The following TMEM207 variants were observed in gnomAD, a reference collection of about 807,000 sequenced individuals.
TMEM207 encodes the protein SRSR846.
A neutral mutation model predicts 17.4 loss-of-function variants in TMEM207; 15 were observed. That is an observed-to-expected ratio of 0.86 (90% CI 0.58 to 1.33). The LOEUF is 1.33. TMEM207 is among the 40% of genes most tolerant of loss of function. The pLI, the probability that TMEM207 is intolerant of heterozygous loss-of-function variation, is 0.00. For synonymous variants in TMEM207, 70 were observed against 65.6 expected, an observed-to-expected ratio of 1.07 and a Z score of -0.33; for missense variants, 205 against 173.8, an observed-to-expected ratio of 1.18 and a Z score of -1.01.
At chr3:190,439,040 G>A (rs372456870) in intron 4 of TMEM207, among the ~76,000 whole-genome samples, 20,328 of 151,222 alleles carry the variant, frequency 0.13, 713 homozygotes, top group Middle Eastern at 0.17. Context: ...AGCCGGGCGT[G>A]GTGGCGGGCG....
chr3:190,446,673 G>C lies in TMEM207; in HGVS notation c.113+1117C>G, dbSNP rs147264951. Among the ~76,000 whole-genome samples the C allele has an allele frequency of 2.3e-3, 357 of 152,290 alleles. 2 individuals are homozygous for C. Among genetic ancestry groups the C allele is most frequent in the African/African-American group, 7.5e-3 (313 of 41,584 alleles). The stretch of plus-strand genomic sequence containing the variant: ...GGTTTCAATCCCTTCACCTAAAAGG[G>C]AGAGCGGTAGCCTCAGCTACCGCTA... On this transcript the variant is annotated intron_variant, in intron 2 of 4. Coordinates refer to ENST00000354905, the MANE Select transcript of TMEM207 (RefSeq NM_207316.3).
In TMEM207 at chr3:190,429,324, T is replaced by C. The variant is rs1719639119; in HGVS notation, c.*271A>G. On this transcript the variant is annotated 3_prime_UTR_variant, in exon 5 of 5. Coordinates refer to ENST00000354905, the MANE Select transcript of TMEM207 (RefSeq NM_207316.3). ...CTACTTCCAGCACCTAATTGTTGCC[T>C]GTTTGGATACTAGTGGAGAAGCATT... 8.1e-6 allele frequency: 3 copies of C among 371,272 alleles called. No individual in the cohort carries two copies. In the South Asian group the frequency reaches 9.7e-5, roughly 12 times the overall value. The allele number at this position is 371,272 out of a possible 1,614,324, so 23.0% of individuals were successfully genotyped here.
intron 4 of TMEM207, among the ~76,000 whole-genome samples, chr3:190,438,986 G>A (rs1719863875): frequency 6.6e-6 from 1 of 151,852 alleles, no homozygotes; most frequent in Non-Finnish European, 1.5e-5. Flanking sequence ...TCAGGAGATC[G>A]AGACCACGGT....
intron 2 of TMEM207, among the ~76,000 whole-genome samples, chr3:190,446,064 A>G (rs1720038578): frequency 6.6e-6 from 1 of 152,132 alleles, no homozygotes; most frequent in Admixed American, 6.5e-5. Flanking sequence ...TGGACAAGCT[A>G]CTGTCCTTTT....
intron 2 of TMEM207, among the ~76,000 whole-genome samples, 189 bp downstream of exon 2, chr3:190,447,601 T>A (rs1720077798): frequency 6.6e-6 from 1 of 152,144 alleles, no homozygotes; most frequent in South Asian, 2.1e-4. Flanking sequence ...CTGATCGTAA[T>A]GAAAATTATC....
At chr3:190,443,155 T>TGTTTTG (rs1288922717) in intron 2 of TMEM207, among the ~76,000 whole-genome samples, 1 of 150,170 alleles carries the variant, frequency 6.7e-6, no homozygotes, top group African/African-American at 2.5e-5. Flanking sequence ...CTTTTTTTTT[T>TGTTTTG]TTTTGTTTTG....
chr3:190,447,440 T>A lies in TMEM207; in HGVS notation c.113+350A>T, dbSNP rs569993823. ...TGAGTTATACAGAAAACTGCCTCCC[T>A]TGGTCACTGTGATTTTTGAGTGTGG... On this transcript the variant is annotated intron_variant, in intron 2 of 4. Coordinates refer to ENST00000354905, the MANE Select transcript of TMEM207 (RefSeq NM_207316.3). Among the ~76,000 whole-genome samples, 6 of 152,254 alleles carry A rather than the reference T, an allele frequency of 3.9e-5. No individual in the cohort carries two copies. The East Asian group carries it at 1.2e-3, about 29-fold the overall frequency.
intron 4 of TMEM207, among the ~76,000 whole-genome samples, chr3:190,431,681 A>G (rs1359561726): frequency 6.6e-6 from 1 of 152,120 alleles, no homozygotes; most frequent in Non-Finnish European, 1.5e-5. Flanking sequence ...TGTATTCAGT[A>G]CAAAGTCAAA....
At chr3:190,442,522 A>G (rs1560108320) in intron 2 of TMEM207, among the ~76,000 whole-genome samples, 1 of 152,330 alleles carries the variant, frequency 6.6e-6, no homozygotes, top group African/African-American at 2.4e-5. Flanking sequence ...TATCACAAAC[A>G]TTTAAGACAA....
At position 190,441,480 on chromosome 3, in the gene TMEM207, C is replaced by T; in HGVS notation, c.116G>A (p.Cys39Tyr). The change falls in exon 3 of 5, where the codon TGT (cysteine) becomes TAT (tyrosine). Residue 39 changes from cysteine (C) to tyrosine (Y), a missense_variant and splice_region_variant. Physicochemically the swap from Cys to Tyr is radical, Grantham distance 194. Coordinates refer to ENST00000354905, the MANE Select transcript of TMEM207 (RefSeq NM_207316.3). ...SDLPCEEDEM[C>Y]VNYNDQHPNG... is the part of the protein sequence containing the mutation. The stretch of plus-strand genomic sequence containing the variant: ...AGGGTGTTGGTCATTATAATTTACA[C>T]ACCTGGTGATAAAGGGAGAGCGTTA... 1.9e-6 allele frequency: 3 copies of T among 1,611,136 alleles called. No individual in the cohort carries two copies. The highest frequency in any genetic ancestry group is 3.4e-5 in the Admixed American group (2 of 59,526).
At chr3:190,438,031 A>C (rs2108534532) in intron 4 of TMEM207, among the ~76,000 whole-genome samples, 1 of 142,406 alleles carries the variant, frequency 7.0e-6, no homozygotes, top group Admixed American at 7.5e-5. Context: ...TCTCACTCAT[A>C]GGTGGGAATT....
intron 2 of TMEM207, among the ~76,000 whole-genome samples, chr3:190,445,767 C>T (rs1277688162): frequency 6.6e-6 from 1 of 152,184 alleles, no homozygotes; most frequent in African/African-American, 2.4e-5. Context: ...CTCAGGTGAT[C>T]CACCCACTTT....
At chr3:190,440,789 C>T (rs372957952) in intron 3 of TMEM207, among the ~76,000 whole-genome samples, 1 of 152,206 alleles carries the variant, frequency 6.6e-6, no homozygotes, top group Non-Finnish European at 1.5e-5. Flanking sequence ...GGCAGAGGGG[C>T]CGGGCGCGGT....
At chr3:190,443,643 C>G (rs1209660191) in intron 2 of TMEM207, among the ~76,000 whole-genome samples, 1 of 152,112 alleles carries the variant, frequency 6.6e-6, no homozygotes, top group East Asian at 1.9e-4. Context: ...TCTTTTGGCT[C>G]CATATGCTCC....
At chr3:190,440,613 C>T (rs182581699) in intron 3 of TMEM207, among the ~76,000 whole-genome samples, 298 of 152,248 alleles carry the variant, frequency 2.0e-3, no homozygotes, top group African/African-American at 7.0e-3. Context: ...TGGTAATAAT[C>T]ATTTTCTCCT....
At chr3:190,446,367 A>G (rs1015392622) in intron 2 of TMEM207, among the ~76,000 whole-genome samples, 15 of 152,308 alleles carry the variant, frequency 9.8e-5, no homozygotes, top group Admixed American at 8.5e-4. Context: ...TTCCGCTGAC[A>G]CTGTCTTGCG....
chr3:190,431,803 G>A (rs1460485801), intron 4 of TMEM207, among the ~76,000 whole-genome samples: 1 of 152,148 alleles, frequency 6.6e-6, no homozygotes, highest in Non-Finnish European at 1.5e-5. Context: ...TGTGCTCCCA[G>A]TAATAGAGTC....
chr3:190,442,275 A>T (rs1349004136), intron 2 of TMEM207, among the ~76,000 whole-genome samples: 3 of 152,174 alleles, frequency 2.0e-5, no homozygotes, highest in African/African-American at 7.2e-5. Context: ...TTCTGAACTG[A>T]GCTTGAACAG....
At chr3:190,440,183 T>G (rs183588555) in intron 4 of TMEM207, 61 bp downstream of exon 4, 5 of 1,544,050 alleles carry the variant, frequency 3.2e-6, no homozygotes, top group Non-Finnish European at 4.4e-6. Flanking sequence ...GAACAGTTTT[T>G]CAATTAACCG....
Sources: gnomAD v4.1 joint callset for allele counts (sites outside exome capture counted in the v4.1 genomes callset) on GRCh38, gnomAD v4.1.1 for gene constraint, MANE v1.5 for transcripts, NCBI Gene and HGNC (gene_info 2026-07-23, HGNC 2026-07-21) for gene names.